The following SPTBN1 variants were observed in gnomAD, a reference collection of about 807,000 sequenced individuals.
SPTBN1 encodes the protein spectrin beta, non-erythrocytic 1.
A neutral mutation model predicts 266.4 loss-of-function variants in SPTBN1; 32 were observed. That is an observed-to-expected ratio of 0.12 (90% CI 0.09 to 0.16). SPTBN1 has a LOEUF of 0.16. Ranked by LOEUF, SPTBN1 falls within the 10% of genes least tolerant of loss-of-function variation. The pLI is 1.00. For missense variants in SPTBN1, 2,296 were observed against 3,067.1 expected (o/e 0.75, Z 5.94); for synonymous variants, 1,336 against 1,162.2 (o/e 1.15, Z -3.04).
At chr2:54,652,694 C>T (rs534209987) in intron 26 of SPTBN1, 1 of 152,228 alleles carries the variant, frequency 6.6e-6, no homozygotes, top group East Asian at 1.9e-4. Flanking sequence ...CTGTTACACT[C>T]CTGTCTACAG....
chr2:54,639,185 CAG>C (rs1353361545), intron 18 of SPTBN1, among the ~76,000 whole-genome samples: 4 of 152,240 alleles, frequency 2.6e-5, no homozygotes, highest in Non-Finnish European at 5.9e-5. Flanking sequence ...TGTGCCAAGA[CAG>C]GGCATAGAAG....
In SPTBN1 at chr2:54,664,828, T is replaced by G. The variant is rs1681272441; in HGVS notation, c.6659+137T>G. Reference sequence around the variant, plus strand: ...TGGTAGCTTCCTGGACATTGCATTCTTCTTGGGCTGACGCTGGAAAGCAGG... The same window carrying G: ...TGGTAGCTTCCTGGACATTGCATTCGTCTTGGGCTGACGCTGGAAAGCAGG... On this transcript the variant is annotated intron_variant, in intron 33 of 35. Transcript: ENST00000356805. This position sits in a 1 kb window ranked among gnomAD's most constrained non-coding sequence, Gnocchi z 5.6. 2.3e-6 allele frequency: 2 copies of G among 876,154 alleles called. No individual in the cohort carries two copies. The highest frequency in any genetic ancestry group is 3.4e-6 in the Non-Finnish European group (2 of 585,570). 54.3% of individuals were successfully genotyped at this position (876,154 alleles called of 1,614,324 possible).
Position 54,558,748 on chromosome 2 carries a change from C to T in SPTBN1, c.148+32182C>T, listed in dbSNP as rs1673059196. Reference sequence around the variant, plus strand: ...GGGGGCTGGAGCGAGATTTCCAGGGCGCAGTCCTCCGGGGCGTTACGCCGG... The same window carrying T: ...GGGGGCTGGAGCGAGATTTCCAGGGTGCAGTCCTCCGGGGCGTTACGCCGG... On this transcript the variant is annotated intron_variant, in intron 2 of 35. Transcript: ENST00000356805. This position sits in a 1 kb window ranked among gnomAD's most constrained non-coding sequence, Gnocchi z 4.6. The T allele has an allele frequency of 6.2e-7, 1 of 1,602,780 alleles. No individual in the cohort carries two copies. Among genetic ancestry groups the T allele is most frequent in the African/African-American group, 1.3e-5 (1 of 74,802 alleles).
intron 3 of SPTBN1, among the ~76,000 whole-genome samples, chr2:54,608,336 T>C (rs1465776287): frequency 6.6e-6 from 1 of 152,098 alleles, no homozygotes; most frequent in Non-Finnish European, 1.5e-5. Flanking sequence ...CTGTTAGTTG[T>C]AGAGTTGTGA....
At chr2:54,625,571 G>A (rs979149202) in intron 11 of SPTBN1, among the ~76,000 whole-genome samples, 5 of 151,964 alleles carry the variant, frequency 3.3e-5, no homozygotes, top group Non-Finnish European at 7.4e-5. Context: ...GGTGGCGCGG[G>A]AAATAGGTTT....
rs1238041705 is a variant in SPTBN1, at chr2:54,645,976, C to T, written c.4543C>T (p.His1515Tyr). The change falls in exon 22 of 36, where the codon CAC becomes TAC. Residue 1515 changes from histidine (H) to tyrosine (Y), a missense_variant. His to Tyr is a moderately conservative substitution (Grantham distance 83, BLOSUM62 2). This residue lies in a region of SPTBN1 where 644 missense variants were observed against 745.3 expected (regional missense o/e 0.86). Transcript: ENST00000356805. The surrounding 1 kb of genome is among the most constrained non-coding windows in gnomAD (Gnocchi z 4.3). ...MPLATSTDHGHNLQTVQLLIK... is the reference protein window; with the variant it reads ...MPLATSTDHGYNLQTVQLLIK... ...TTTGGCAACTTCCACGGATCATGGC[C>T]ACAACCTCCAGACTGTGCAGCTGTT... is the stretch of plus-strand genomic sequence containing the variant. The T allele has an allele frequency of 6.2e-7, 1 of 1,614,212 alleles. No individual in the cohort carries two copies. The highest frequency in any genetic ancestry group is 8.5e-7 in the Non-Finnish European group (1 of 1,180,048).
chr2:54,510,764 T>G (rs1215461718), intron 1 of SPTBN1, among the ~76,000 whole-genome samples: 1 of 152,220 alleles, frequency 6.6e-6, no homozygotes, highest in South Asian at 2.1e-4. Context: ...CCAGGGAGAT[T>G]TTAAAGAAAT....
chr2:54,464,012 A>C (rs1364007347), intron 1 of SPTBN1, among the ~76,000 whole-genome samples: 2 of 152,206 alleles, frequency 1.3e-5, no homozygotes, highest in African/African-American at 4.8e-5. Flanking sequence ...TAAATTAATT[A>C]ATTTTTCCAC....
intron 1 of SPTBN1, among the ~76,000 whole-genome samples, chr2:54,470,814 C>T (rs1693881705): frequency 6.6e-6 from 1 of 152,076 alleles, no homozygotes; most frequent in Non-Finnish European, 1.5e-5. Context: ...TCTCAAACCC[C>T]ACACTGTTCT....
chr2:54,532,050 G>A (rs558384793), intron 2 of SPTBN1, among the ~76,000 whole-genome samples: 18 of 152,256 alleles, frequency 1.2e-4, no homozygotes, highest in Admixed American at 4.6e-4. Flanking sequence ...AACACTTTGG[G>A]AGGCCGAGGC....
In SPTBN1 at chr2:54,670,368, G is replaced by C. The variant is rs1681647153; in HGVS notation, c.*1799G>C. On this transcript the variant is annotated 3_prime_UTR_variant, in exon 36 of 36. Transcript: ENST00000356805. Reference sequence around the variant, plus strand: ...TTGCATAAAGCAGCAATGGATATTAGTATTATGGATGTCCAGTAAGTTATT... The same window carrying C: ...TTGCATAAAGCAGCAATGGATATTACTATTATGGATGTCCAGTAAGTTATT... 4.4e-6 allele frequency: 1 copy of C among 228,712 alleles called. No individual in the cohort carries two copies. Among genetic ancestry groups the C allele is most frequent in the South Asian group, 1.8e-4 (1 of 5,482 alleles). The allele number at this position is 228,712 out of a possible 1,614,324, so 14.2% of individuals were successfully genotyped here. A position where few individuals can be genotyped will look rare whatever the true frequency, so the allele number is the denominator to read the frequency against.
intron 2 of SPTBN1, among the ~76,000 whole-genome samples, chr2:54,555,177 G>A (rs1257803214): frequency 6.6e-6 from 1 of 151,988 alleles, no homozygotes; most frequent in Non-Finnish European, 1.5e-5. Context: ...CTTCCCCAGG[G>A]CTCCATGCTT....
intron 1 of SPTBN1, chr2:54,457,154 C>CCG (rs1025020189): frequency 3.4e-5 from 1 of 29,378 alleles, no homozygotes; most frequent in Non-Finnish European, 6.9e-5. Context: ...CGTGCGCCCG[C>CCG]CCCCCCCCCG....
At chr2:54,575,827 C>G (rs556510295) in intron 2 of SPTBN1, among the ~76,000 whole-genome samples, 3 of 152,336 alleles carry the variant, frequency 2.0e-5, no homozygotes, top group Non-Finnish European at 4.4e-5. Flanking sequence ...GAAATGTGTA[C>G]AGACATTTGA....
chr2:54,619,214 A>G (rs573577341), intron 7 of SPTBN1, among the ~76,000 whole-genome samples: 5 of 152,352 alleles, frequency 3.3e-5, no homozygotes, highest in South Asian at 2.1e-4. Flanking sequence ...CTATTTTCCA[A>G]TGCATCAGAT....
chr2:54,618,711 C>A (rs1044883805), intron 7 of SPTBN1, among the ~76,000 whole-genome samples: 1 of 152,148 alleles, frequency 6.6e-6, no homozygotes, highest in Non-Finnish European at 1.5e-5. Flanking sequence ...GTGGAGATTG[C>A]AGGCAGGGGC....
At chr2:54,650,380 A>T (rs1319962318) in intron 26 of SPTBN1, among the ~76,000 whole-genome samples, 5 of 152,208 alleles carry the variant, frequency 3.3e-5, no homozygotes, top group African/African-American at 1.2e-4. Context: ...AAAAAACAGG[A>T]TTCTGACATT....
intron 2 of SPTBN1, among the ~76,000 whole-genome samples, chr2:54,542,698 C>A (rs1448546201): frequency 6.6e-6 from 1 of 152,114 alleles, no homozygotes; most frequent in African/African-American, 2.4e-5. Context: ...AAACAAGGCC[C>A]TGAAGCTGAG....
intron 17 of SPTBN1, among the ~76,000 whole-genome samples, chr2:54,636,577 A>T (rs1463847739): frequency 1.3e-5 from 2 of 152,150 alleles, no homozygotes; most frequent in Non-Finnish European, 2.9e-5. Context: ...GTTTCTTCAG[A>T]CACCGGTCAG....
Sources: gnomAD v4.1 joint callset for allele counts (sites outside exome capture counted in the v4.1 genomes callset) on GRCh38, gnomAD v4.1.1 for gene constraint, gnomAD v4.1.1 regional missense constraint, Gnocchi (gnomAD v3.1) non-coding constraint, MANE v1.5 for transcripts, NCBI Gene and HGNC (gene_info 2026-07-23, HGNC 2026-07-21) for gene names.